PREX1: variants seen among roughly 807,000 people sequenced by gnomAD.
PREX1 encodes the protein phosphatidylinositol 3,4,5-trisphosphate-dependent Rac exchanger 1 protein.
PREX1 carries 41 observed loss-of-function variants against 198.3 expected under a neutral mutation model. The ratio of observed to expected loss-of-function variants is 0.21; its 90% CI spans 0.16 to 0.27. PREX1 has a LOEUF of 0.27. Among genes scored for constraint, PREX1 ranks in the 10% least tolerant of loss-of-function variants. The pLI is 1.00. For missense variants in PREX1, 1,620 were observed against 2,200.7 expected, an observed-to-expected ratio of 0.74 and a Z score of 5.28; for synonymous variants, 843 against 887.2, an observed-to-expected ratio of 0.95 and a Z score of 0.89.
At chr20:48,862,188 G>A in the PREX1 span, among the ~76,000 whole-genome samples, 36 of 151,950 alleles carry the variant, frequency 2.4e-4, no homozygotes, top group Non-Finnish European at 4.4e-4. Context: ...TGGCCTGGGC[G>A]ACAGAGCGAG....
intron 7 of PREX1, among the ~76,000 whole-genome samples, chr20:48,696,037 C>G (rs2089843562): frequency 6.6e-6 from 1 of 152,188 alleles, no homozygotes; most frequent in Non-Finnish European, 1.5e-5. Flanking sequence ...ACTGTAAAGA[C>G]CTTTTCACAG....
chr20:48,851,778 G>A, the PREX1 span, among the ~76,000 whole-genome samples: 6 of 152,188 alleles, frequency 3.9e-5, no homozygotes, highest in East Asian at 3.9e-4. Context: ...CTGATCGTCC[G>A]TAAATATTGA....
the PREX1 span, among the ~76,000 whole-genome samples, chr20:48,882,501 CAA>C: frequency 2.2e-3 from 149 of 66,842 alleles, no homozygotes; most frequent in South Asian, 0.029. Context: ...GACTCCGTCT[CAA>C]AAAAAAAAAA....
In PREX1 at chr20:48,691,073, T is replaced by C. The variant is rs2089816692; in HGVS notation, c.1060A>G (p.Thr354Ala). The C allele has an allele frequency of 6.2e-7, 1 of 1,614,092 alleles. No homozygotes were observed. The highest frequency in any genetic ancestry group is 1.3e-5 in the African/African-American group (1 of 74,926). ...TGGATCTTCCAGCCGTTGGTGACGG[T>C]ATAGCCGTTGCTATGGTAATCCGCT... is the stretch of plus-strand genomic sequence containing the variant. Reference protein sequence around the residue: ...GTADYHSNGYTVTNGWKIHNT... With the variant: ...GTADYHSNGYAVTNGWKIHNT... Residue 354 changes from threonine (T) to alanine (A), a missense_variant, in exon 9 of 40, where the codon ACC becomes GCC. By Grantham distance (58) the Thr-to-Ala change is moderately conservative (BLOSUM62 0). Transcript: ENST00000371941. The surrounding 1 kb of genome is among the most constrained non-coding windows in gnomAD (Gnocchi z 5.0).
intron 33 of PREX1, among the ~76,000 whole-genome samples, chr20:48,633,913 G>C (rs6012502): frequency 6.6e-6 from 1 of 152,318 alleles, no homozygotes; most frequent in South Asian, 2.1e-4. Flanking sequence ...GGCCCAAAAC[G>C]CAGCCTGACA....
At chr20:48,729,214 T>C (rs1419964944) in intron 4 of PREX1, among the ~76,000 whole-genome samples, 1 of 152,070 alleles carries the variant, frequency 6.6e-6, no homozygotes, top group African/African-American at 2.4e-5. Flanking sequence ...GTAGCTGGGA[T>C]TACAGGTGCA....
At position 48,636,509 on chromosome 20, in the gene PREX1, G is replaced by A. The variant is rs565452515; in HGVS notation, c.4121C>T (p.Thr1374Met). 49 of 1,609,984 alleles carry A rather than the reference G, an allele frequency of 3.0e-5. No homozygotes were observed. The highest frequency in any genetic ancestry group is 2.6e-4 in the South Asian group (24 of 91,016). ...SRKWLEQVAATGVLLHCQSLL... is the reference protein window; with the variant it reads ...SRKWLEQVAAMGVLLHCQSLL... ...GGACTGGCAGTGCAGCAGGACGCCCGTGGCCGCCACCTGCTCCAGCCACTT... is the reference window on the plus strand; with the variant it reads ...GGACTGGCAGTGCAGCAGGACGCCCATGGCCGCCACCTGCTCCAGCCACTT... Residue 1374 changes from threonine (T) to methionine (M), a missense_variant, in exon 32 of 40, where the codon ACG (threonine) becomes ATG (methionine). Transcript: ENST00000371941.
chr20:48,679,592 C>A (rs2089734485), intron 12 of PREX1, 59 bp downstream of exon 12: 1 of 1,512,078 alleles, frequency 6.6e-7, no homozygotes, highest in South Asian at 1.1e-5. Context: ...TGAGGCGAAC[C>A]CAGGGTGGAG....
At chr20:48,872,590 T>C in the PREX1 span, among the ~76,000 whole-genome samples, 1 of 151,718 alleles carries the variant, frequency 6.6e-6, no homozygotes, top group Non-Finnish European at 1.5e-5. Context: ...CTAAAAAATA[T>C]AAAAAATTAG....
At chr20:48,837,385 G>A in the PREX1 span, among the ~76,000 whole-genome samples, 26 of 152,298 alleles carry the variant, frequency 1.7e-4, no homozygotes, top group African/African-American at 6.0e-4. Flanking sequence ...GTTCATTTCA[G>A]CACTGTTCAC....
chr20:48,667,666 C>G (rs1463239886), intron 14 of PREX1, among the ~76,000 whole-genome samples: 4 of 152,242 alleles, frequency 2.6e-5, no homozygotes, highest in East Asian at 1.9e-4. Flanking sequence ...CCAAGGCAAT[C>G]TGACTCATCT....
intron 27 of PREX1, among the ~76,000 whole-genome samples, chr20:48,642,996 T>C (rs1310233138): frequency 6.6e-6 from 1 of 152,222 alleles, no homozygotes; most frequent in Non-Finnish European, 1.5e-5. Flanking sequence ...ATGCACAGAC[T>C]ATCTCTGAAA....
Position 48,747,671 on chromosome 20 carries a change from C to A in PREX1, c.291+138G>T, listed in dbSNP as rs997204227. 2.2e-5 allele frequency: 20 copies of A among 920,442 alleles called. No homozygotes were observed. The African/African-American group carries it at 2.9e-4, about 14-fold the overall frequency. 57.0% of individuals were successfully genotyped at this position (920,442 alleles called of 1,614,324 possible). ...AGGGGCTGAAGGGAGCAAGCTGGGG[C>A]AGGGCAAAGCTGGCGGCCAGCAGCC... On this transcript the variant is annotated intron_variant, in intron 2 of 39. Coordinates refer to ENST00000371941, the MANE Select transcript of PREX1 (RefSeq NM_020820.4).
chr20:48,668,507 T>C (rs2089654597), intron 14 of PREX1, among the ~76,000 whole-genome samples: 1 of 152,198 alleles, frequency 6.6e-6, no homozygotes, highest in Admixed American at 6.5e-5. Flanking sequence ...CTAGTCTCAC[T>C]GAAACGCCTC....
At chr20:48,763,503 T>C (rs1158915965) in intron 1 of PREX1, among the ~76,000 whole-genome samples, 2 of 152,210 alleles carry the variant, frequency 1.3e-5, no homozygotes, top group African/African-American at 4.8e-5. Context: ...GTCTCCTCTC[T>C]GTGGGGCTGA....
rs116251946 is a variant in PREX1 at position 48,789,326 on chromosome 20, G to A, written c.219+38316C>T. Among the ~76,000 whole-genome samples the A allele has an allele frequency of 9.7e-3, 1,470 of 152,308 alleles. 24 individuals carry two copies. Among genetic ancestry groups the A allele is most frequent in the African/African-American group, 0.033 (1,362 of 41,556 alleles). ...GACAACCTGCAGAGCCTCAGGCCCT[G>A]ACTCTGCTCCTCACCACAGAGGTTT... On this transcript the variant is annotated intron_variant, in intron 1 of 39. Transcript: ENST00000371941.
intron 19 of PREX1, 38 bp from the exon 20 acceptor site, chr20:48,653,535 C>G: frequency 6.3e-7 from 1 of 1,584,144 alleles, no homozygotes; most frequent in South Asian, 1.1e-5. Flanking sequence ...GGATGCCAGG[C>G]AAGTACAAGC....
intron 16 of PREX1, 34 bp from the exon 17 acceptor site, chr20:48,658,262 G>T (rs374315936): frequency 1.2e-6 from 2 of 1,608,118 alleles, no homozygotes; most frequent in Non-Finnish European, 1.7e-6. Flanking sequence ...CCCGGTCAGG[G>T]AGCGAGGTGG....
At chr20:48,786,428 G>A (rs1381194179) in intron 1 of PREX1, among the ~76,000 whole-genome samples, 2 of 151,978 alleles carry the variant, frequency 1.3e-5, no homozygotes, top group Non-Finnish European at 2.9e-5. Context: ...GAAAGTGGCG[G>A]GGAAACGGGA....
Sources: gnomAD v4.1 joint callset for allele counts (sites outside exome capture counted in the v4.1 genomes callset) on GRCh38, gnomAD v4.1.1 for gene constraint, Gnocchi (gnomAD v3.1) non-coding constraint, MANE v1.5 for transcripts, NCBI Gene and HGNC (gene_info 2026-07-23, HGNC 2026-07-21) for gene names.